Variants in SLC35D4 observed in about 807,000 individuals in gnomAD.
SLC35D4 encodes the protein UDP-N-acetylglucosamine transporter SLC35D4.
At chr18:23,266,577 C>T in the SLC35D4 span, among the ~76,000 whole-genome samples, 17 of 152,184 alleles carry the variant, frequency 1.1e-4, no homozygotes, top group Non-Finnish European at 1.9e-4. Flanking sequence ...GAGCTGGGAC[C>T]GGTGATGTCC....
At chr18:23,343,332 C>G in the SLC35D4 span, among the ~76,000 whole-genome samples, 25 of 152,060 alleles carry the variant, frequency 1.6e-4, no homozygotes, top group African/African-American at 5.5e-4. Context: ...GATCTTGGCT[C>G]CTGGGTTCAA....
chr18:23,287,410 G>A, the SLC35D4 span, among the ~76,000 whole-genome samples: 5 of 152,050 alleles, frequency 3.3e-5, no homozygotes, highest in African/African-American at 4.8e-5. Flanking sequence ...GGGCTGTACT[G>A]CTGCAAAGCT....
chr18:23,380,189 C>G, the SLC35D4 span, among the ~76,000 whole-genome samples: 1 of 152,178 alleles, frequency 6.6e-6, no homozygotes, highest in African/African-American at 2.4e-5. Flanking sequence ...GAGGGCTACT[C>G]ACACTGCCAG....
the SLC35D4 span, among the ~76,000 whole-genome samples, chr18:23,336,048 TGAAGACAACA>T: frequency 3.3e-5 from 5 of 150,394 alleles, no homozygotes; most frequent in Non-Finnish European, 7.4e-5. Flanking sequence ...TCGGAAAAAA[TGAAGACAACA>T]TAACTGGAAA....
the SLC35D4 span, among the ~76,000 whole-genome samples, chr18:23,325,430 G>T: frequency 3.3e-5 from 5 of 152,064 alleles, no homozygotes; most frequent in Non-Finnish European, 7.4e-5. Context: ...CCACACCAGG[G>T]TGGCTGCTGT....
chr18:23,253,224 T>G, the SLC35D4 span, among the ~76,000 whole-genome samples: 1 of 152,218 alleles, frequency 6.6e-6, no homozygotes, highest in Non-Finnish European at 1.5e-5. Context: ...GGCTCACACC[T>G]GTAATCCCAG....
the SLC35D4 span, among the ~76,000 whole-genome samples, chr18:23,363,007 G>A: frequency 6.6e-6 from 1 of 152,102 alleles, no homozygotes; most frequent in African/African-American, 2.4e-5. Context: ...TTGGGAGGAT[G>A]AGGTGGGCAG....
chr18:23,287,936 G>C, the SLC35D4 span, among the ~76,000 whole-genome samples: 2 of 152,202 alleles, frequency 1.3e-5, no homozygotes, highest in African/African-American at 4.8e-5. Flanking sequence ...AATACTCTTA[G>C]AGGCCCTTAA....
At chr18:23,376,645 G>A in the SLC35D4 span, among the ~76,000 whole-genome samples, 3 of 152,216 alleles carry the variant, frequency 2.0e-5, no homozygotes, top group African/African-American at 7.2e-5. Flanking sequence ...CTGATATCCT[G>A]ATGGGTTTGG....
the SLC35D4 span, among the ~76,000 whole-genome samples, chr18:23,369,743 CAAG>C: frequency 6.6e-6 from 1 of 152,136 alleles, no homozygotes; most frequent in Non-Finnish European, 1.5e-5. Flanking sequence ...GCCCAAACAG[CAAG>C]AAGAGGGCCG....
the SLC35D4 span, among the ~76,000 whole-genome samples, chr18:23,241,368 TA>T: frequency 6.6e-6 from 1 of 152,030 alleles, no homozygotes; most frequent in African/African-American, 2.4e-5. Flanking sequence ...CTGTCTCTAC[TA>T]AAAATACAAA....
the SLC35D4 span, among the ~76,000 whole-genome samples, chr18:23,272,502 TGGAA>T: frequency 3.9e-5 from 6 of 151,950 alleles, no homozygotes; most frequent in African/African-American, 1.5e-4. Context: ...AAAATAAAAA[TGGAA>T]GGTGTCTGGA....
At chr18:23,435,834 T>G in the SLC35D4 span, among the ~76,000 whole-genome samples, 1 of 152,176 alleles carries the variant, frequency 6.6e-6, no homozygotes. Context: ...TAGCTGGGAT[T>G]ACAGGTGCCC....
chr18:23,421,831 C>T, the SLC35D4 span, among the ~76,000 whole-genome samples: 31 of 152,172 alleles, frequency 2.0e-4, no homozygotes, highest in African/African-American at 6.5e-4. Flanking sequence ...TGCGTGCCAC[C>T]ATGCCTGGCT....
the SLC35D4 span, among the ~76,000 whole-genome samples, chr18:23,271,516 T>C: frequency 3.9e-5 from 6 of 152,128 alleles, no homozygotes; most frequent in African/African-American, 1.2e-4. Flanking sequence ...ATAGCTTTGG[T>C]CTTTATCCCT....
chr18:23,401,349 A>G, the SLC35D4 span, among the ~76,000 whole-genome samples: 2 of 152,208 alleles, frequency 1.3e-5, no homozygotes, highest in Non-Finnish European at 1.5e-5. Flanking sequence ...ATACAAATAG[A>G]TAAGCTGCAA....
At chr18:23,385,260 TC>T in the SLC35D4 span, among the ~76,000 whole-genome samples, 1 of 152,138 alleles carries the variant, frequency 6.6e-6, no homozygotes, top group Non-Finnish European at 1.5e-5. Context: ...ATGTAGAGGT[TC>T]CCCTCCTACG....
At chr18:23,365,621 CG>C in the SLC35D4 span, 3 of 1,613,106 alleles carry the variant, frequency 1.9e-6, no homozygotes, top group Non-Finnish European at 8.5e-7. Context: ...AACAACACTC[CG>C]GGGGCATTTA....
At chr18:23,276,548 C>A in the SLC35D4 span, among the ~76,000 whole-genome samples, 40 of 151,792 alleles carry the variant, frequency 2.6e-4, no homozygotes, top group Admixed American at 7.2e-4. Flanking sequence ...GACATTCAAG[C>A]AGAGACTGCT....
Sources: gnomAD v4.1 joint callset for allele counts (sites outside exome capture counted in the v4.1 genomes callset) on GRCh38, gnomAD v4.1.1 for gene constraint, MANE v1.5 for transcripts, NCBI Gene and HGNC (gene_info 2026-07-23, HGNC 2026-07-21) for gene names.